The following EPM2A variants were observed in gnomAD, a reference collection of about 807,000 sequenced individuals.
EPM2A encodes EPM2A glucan phosphatase, laforin, also known as laforin.
EPM2A carries 21 observed loss-of-function variants against 26.5 expected under a neutral mutation model. The observed-to-expected ratio is 0.79, with a 90% CI of 0.56 to 1.14. The LOEUF (loss-of-function observed/expected upper bound fraction) is 1.14. Among genes scored for constraint, EPM2A ranks in the 50% most tolerant of loss-of-function variants. The probability of loss-of-function intolerance (pLI) is 0.00; values close to 1 mark genes in which losing one functional copy is unlikely to be tolerated. For synonymous variants in EPM2A, 217 were observed against 177.6 expected (o/e 1.22, Z -1.76); for missense variants, 458 against 440.8 (o/e 1.04, Z -0.35).
intron 4 of EPM2A, among the ~76,000 whole-genome samples, chr6:145,389,665 A>G (rs1778311673): frequency 6.6e-6 from 1 of 152,222 alleles, no homozygotes; most frequent in South Asian, 2.1e-4. Flanking sequence ...ATATTTGGTG[A>G]ATAAAGGAAC....
At chr6:145,406,761 A>C (rs917767141) in intron 4 of EPM2A, among the ~76,000 whole-genome samples, 2 of 152,196 alleles carry the variant, frequency 1.3e-5, no homozygotes, top group African/African-American at 4.8e-5. Context: ...AGGCGAAAGC[A>C]ATGGTTCTCA....
chr6:145,501,434 T>G (rs1779888510), downstream of EPM2A: 1 of 174,588 alleles, frequency 5.7e-6, no homozygotes, highest in Admixed American at 6.0e-5. Context: ...CCCAATTAAT[T>G]ATTCTATTTT....
At chr6:145,699,900 T>A (rs911309998) in intron 1 of EPM2A, among the ~76,000 whole-genome samples, 2 of 152,118 alleles carry the variant, frequency 1.3e-5, no homozygotes, top group Admixed American at 1.3e-4. Flanking sequence ...GCTGAAAAAA[T>A]TCCACAATGG....
intron 2 of EPM2A, among the ~76,000 whole-genome samples, chr6:145,582,402 A>C (rs1008480864): frequency 1.3e-5 from 2 of 152,194 alleles, no homozygotes; most frequent in Non-Finnish European, 2.9e-5. Flanking sequence ...GAGAAGAAGA[A>C]GGCACATTCT....
At position 145,428,696 on chromosome 6, in the gene EPM2A, G is replaced by A. The variant is rs150111472; in HGVS notation, c.556-44599C>T. On this transcript the variant is annotated intron_variant, in intron 4 of 4. Transcript: ENST00000638717. ...AAAGTGTTTTACTTTCTTTGCTGTG[G>A]CAGATGGTTACATGTCGTTTTGTAA... is the stretch of plus-strand genomic sequence containing the variant. 3.1e-3 allele frequency among the ~76,000 whole-genome samples: 468 copies of A among 152,290 alleles called. 5 individuals are homozygous for A. The highest frequency in any genetic ancestry group is 0.011 in the African/African-American group (445 of 41,552).
At chr6:145,584,153 C>T (rs1781154633) in intron 2 of EPM2A, among the ~76,000 whole-genome samples, 1 of 152,164 alleles carries the variant, frequency 6.6e-6, no homozygotes, top group African/African-American at 2.4e-5. Flanking sequence ...GGCTGTAGGA[C>T]AGTGCATTAA....
At chr6:145,474,726 A>G (rs939435984) in intron 4 of EPM2A, among the ~76,000 whole-genome samples, 1 of 152,198 alleles carries the variant, frequency 6.6e-6, no homozygotes, top group African/African-American at 2.4e-5. Context: ...TCCATCTGAC[A>G]AAGAGCTAAT....
chr6:145,490,678 C>T (rs1238047294), intron 4 of EPM2A: 13 of 604,998 alleles, frequency 2.1e-5, no homozygotes, highest in East Asian at 8.3e-5. Context: ...TGATTTCATG[C>T]GTTCCTTCAA....
At chr6:145,429,503 A>G (rs536897307) in intron 4 of EPM2A, among the ~76,000 whole-genome samples, 14 of 152,160 alleles carry the variant, frequency 9.2e-5, no homozygotes, top group Non-Finnish European at 1.2e-4. Context: ...CTTTAATTTC[A>G]TCATGATAAA....
intron 4 of EPM2A, among the ~76,000 whole-genome samples, chr6:145,475,372 C>T (rs540697366): frequency 9.9e-5 from 15 of 152,118 alleles, no homozygotes; most frequent in African/African-American, 3.4e-4. Context: ...AACAGAAAAC[C>T]GAACACTGCA....
chr6:145,401,421 C>A (rs1290874360), intron 4 of EPM2A, among the ~76,000 whole-genome samples: 1 of 152,008 alleles, frequency 6.6e-6, no homozygotes, highest in Non-Finnish European at 1.5e-5. Context: ...GATAGTAATT[C>A]TTATTTTATT....
At chr6:145,731,000 G>A (rs891059137) in intron 1 of EPM2A, among the ~76,000 whole-genome samples, 5 of 152,048 alleles carry the variant, frequency 3.3e-5, no homozygotes, top group Non-Finnish European at 7.4e-5. Flanking sequence ...AAGGACCCTA[G>A]TGTGGGTATA....
chr6:145,635,079 C>T (rs1230262886), intron 3 of EPM2A, 166 bp downstream of exon 3: 4 of 738,900 alleles, frequency 5.4e-6, no homozygotes, highest in Non-Finnish European at 8.6e-6. Context: ...TAAACAGAAT[C>T]TTAGCCACAG....
intron 2 of EPM2A, among the ~76,000 whole-genome samples, chr6:145,618,086 T>C (rs984132400): frequency 3.9e-5 from 6 of 152,196 alleles, no homozygotes; most frequent in African/African-American, 1.4e-4. Context: ...CTAATGATGT[T>C]ATAGCTCATG....
intron 1 of EPM2A, among the ~76,000 whole-genome samples, chr6:145,712,820 T>A (rs1460083085): frequency 6.6e-6 from 1 of 152,172 alleles, no homozygotes; most frequent in East Asian, 1.9e-4. Flanking sequence ...TCATTAGGCA[T>A]CCACCTTACT....
intron 2 of EPM2A, among the ~76,000 whole-genome samples, chr6:145,557,404 A>C (rs542169688): frequency 7.9e-5 from 12 of 152,224 alleles, no homozygotes; most frequent in African/African-American, 2.6e-4. Flanking sequence ...CATAAAAATA[A>C]AAATGGAGAA....
chr6:145,730,522 C>G (rs1053907580), intron 1 of EPM2A, among the ~76,000 whole-genome samples: 9 of 152,158 alleles, frequency 5.9e-5, no homozygotes, highest in African/African-American at 1.9e-4. Context: ...GTGGGAAAGC[C>G]TAGCTTGACA....
At chr6:145,588,146 T>G (rs964463021) in intron 2 of EPM2A, among the ~76,000 whole-genome samples, 26 of 152,204 alleles carry the variant, frequency 1.7e-4, no homozygotes, top group African/African-American at 6.3e-4. Flanking sequence ...ATAATGTGCC[T>G]TTATTTCCAA....
At chr6:145,406,014 A>AG (rs1554233749) in intron 4 of EPM2A, among the ~76,000 whole-genome samples, 1 of 126,248 alleles carries the variant, frequency 7.9e-6, no homozygotes, top group East Asian at 2.1e-4. Context: ...ACACACACAC[A>AG]ACAGACAGAC....
Sources: allele counts gnomAD v4.1 joint callset (sites outside exome capture counted in the v4.1 genomes callset), GRCh38; gene constraint gnomAD v4.1.1; transcripts MANE v1.5; gene names NCBI Gene and HGNC (gene_info 2026-07-23, HGNC 2026-07-21).